Variants in PPA1 observed in about 807,000 individuals in gnomAD.
The protein encoded by PPA1 is inorganic pyrophosphatase 1.
A neutral mutation model predicts 41.8 loss-of-function variants in PPA1; 23 were observed. The observed-to-expected ratio is 0.55, with a 90% CI of 0.40 to 0.78. The LOEUF (loss-of-function observed/expected upper bound fraction) is 0.78. PPA1 is among the 30% of genes least tolerant of loss of function. The pLI is 0.00. For synonymous variants in PPA1, 101 were observed against 116.8 expected (o/e 0.86, Z 0.87); for missense variants, 320 against 361.6 (o/e 0.89, Z 0.93).
intron 9 of PPA1, 63 bp from the exon 10 acceptor site, chr10:70,204,978 T>C: frequency 1.6e-6 from 2 of 1,276,528 alleles, no homozygotes; most frequent in Non-Finnish European, 1.1e-6. Context: ...TAAAAAGGTA[T>C]ACTGACAAAA....
At chr10:70,204,160 T>C (rs1839911150) in intron 10 of PPA1, 1 of 152,166 alleles carries the variant, frequency 6.6e-6, no homozygotes, top group Non-Finnish European at 1.5e-5. Context: ...TGATTAGTGT[T>C]CAAGACCAGC....
At chr10:70,210,826 C>T (rs1235703594) in intron 6 of PPA1, among the ~76,000 whole-genome samples, 1 of 150,136 alleles carries the variant, frequency 6.7e-6, no homozygotes, top group Non-Finnish European at 1.5e-5. Flanking sequence ...AGTGCAGTGG[C>T]GCAATCTCGG....
intron 2 of PPA1, among the ~76,000 whole-genome samples, chr10:70,225,901 A>G (rs1370979451): frequency 1.3e-5 from 2 of 152,232 alleles, no homozygotes; most frequent in Non-Finnish European, 2.9e-5. Context: ...TGTTAAAAGT[A>G]TATGGATACC....
chr10:70,232,854 G>GCCC (rs370534712), intron 1 of PPA1, among the ~76,000 whole-genome samples: 22 of 150,942 alleles, frequency 1.5e-4, no homozygotes, highest in African/African-American at 4.9e-4. Flanking sequence ...GGAAGTCACT[G>GCCC]CCCCCCCCGG....
In PPA1 at chr10:70,228,097, A is replaced by G. The variant is rs375988428; in HGVS notation, c.123+2244T>C. On this transcript the variant is annotated intron_variant, in intron 2 of 10. Coordinates refer to ENST00000373232, the MANE Select transcript of PPA1 (RefSeq NM_021129.4). ...TTCTGCCCAAGGTCCACTGAGGTCT[A>G]GACTACTGGTAAAATCCAGAGTCAT... Among the ~76,000 whole-genome samples the G allele has an allele frequency of 8.7e-4, 133 of 152,324 alleles. 4 individuals are homozygous for G. In the South Asian group the frequency reaches 0.024, roughly 27 times the overall value.
intron 10 of PPA1, 36 bp downstream of exon 10, chr10:70,204,837 A>C: frequency 1.3e-6 from 2 of 1,513,166 alleles, no homozygotes; most frequent in Non-Finnish European, 1.8e-6. Flanking sequence ...TAACTGTGTA[A>C]TGTTTAATGA....
chr10:70,211,802 G>A (rs567159002), intron 6 of PPA1, among the ~76,000 whole-genome samples: 91 of 152,298 alleles, frequency 6.0e-4, no homozygotes, highest in African/African-American at 1.8e-3. Context: ...TAAGAAGCAC[G>A]TTGGAAATGC....
At chr10:70,221,942 TG>T (rs1394526335) in intron 2 of PPA1, among the ~76,000 whole-genome samples, 1 of 151,978 alleles carries the variant, frequency 6.6e-6, no homozygotes, top group Non-Finnish European at 1.5e-5. Context: ...ACATAATTAA[TG>T]GGAAGGAAAA....
At chr10:70,215,912 C>T (rs1008704120) in intron 4 of PPA1, among the ~76,000 whole-genome samples, 4 of 152,190 alleles carry the variant, frequency 2.6e-5, no homozygotes, top group African/African-American at 9.7e-5. Flanking sequence ...AGAGTCCTTG[C>T]AGAACATCTC....
At chr10:70,216,751 A>T (rs1840085992) in intron 4 of PPA1, among the ~76,000 whole-genome samples, 1 of 152,224 alleles carries the variant, frequency 6.6e-6, no homozygotes, top group South Asian at 2.1e-4. Context: ...TAGCCAAAAT[A>T]GAATTAAATA....
chr10:70,220,890 C>CTA (rs1165898354), intron 2 of PPA1, among the ~76,000 whole-genome samples: 1 of 8,260 alleles, frequency 1.2e-4, no homozygotes, highest in Non-Finnish European at 1.9e-4. Flanking sequence ...TTTATATATA[C>CTA]TATATATATA....
rs1840314850 is a variant in PPA1 at position 70,233,364 on chromosome 10, C to A, written c.-37G>T. 3.3e-6 allele frequency: 5 copies of A among 1,528,980 alleles called. No homozygotes were observed. The highest frequency in any genetic ancestry group is 4.4e-6 in the Non-Finnish European group (5 of 1,140,968). 94.7% of individuals were successfully genotyped at this position (1,528,980 alleles called of 1,614,324 possible). A position where few individuals can be genotyped will look rare whatever the true frequency, so the allele number is the denominator to read the frequency against. On this transcript the variant is annotated 5_prime_UTR_variant, in exon 1 of 11. Coordinates refer to ENST00000373232, the MANE Select transcript of PPA1 (RefSeq NM_021129.4). ...CCTGCCGCCGCCGCTGCCACAGAGC[C>A]ACCAGCCCGCACGCGGCGCCGACTG...
Position 70,202,965 on chromosome 10 carries a change from A to T in PPA1, c.*190T>A, listed in dbSNP as rs1839899242. On this transcript the variant is annotated 3_prime_UTR_variant, in exon 11 of 11. Transcript: ENST00000373232. ...GATATTTAAGCATGTGCTAAAAGTTATCTTAGTTGAGATATGAAAAATGCT... is the reference window on the plus strand; with the variant it reads ...GATATTTAAGCATGTGCTAAAAGTTTTCTTAGTTGAGATATGAAAAATGCT... 8 of 622,280 alleles carry T rather than the reference A, an allele frequency of 1.3e-5. No homozygotes were observed. The South Asian group carries it at 1.5e-4, about 12-fold the overall frequency. The allele number at this position is 622,280 out of a possible 1,614,324, so 38.5% of individuals were successfully genotyped here.
chr10:70,203,222 C>T (rs765974472), intron 10 of PPA1, 36 bp from the exon 11 acceptor site: 1 of 1,565,958 alleles, frequency 6.4e-7, no homozygotes, highest in Admixed American at 1.7e-5. Flanking sequence ...ATTAGAATTC[C>T]TGTTGAGAAT....
intron 4 of PPA1, among the ~76,000 whole-genome samples, chr10:70,215,202 C>G (rs1166861179): frequency 1.3e-5 from 2 of 151,972 alleles, no homozygotes; most frequent in Non-Finnish European, 2.9e-5. Context: ...CTCAAAAAAA[C>G]AAAACAAAAC....
At chr10:70,226,583 T>A (rs1840233221) in intron 2 of PPA1, among the ~76,000 whole-genome samples, 1 of 151,962 alleles carries the variant, frequency 6.6e-6, no homozygotes, top group South Asian at 2.1e-4. Flanking sequence ...AAAAAGCTGC[T>A]ATTTTTGCTA....
chr10:70,209,836 G>A (rs969798975), intron 6 of PPA1, 151 bp from the exon 7 acceptor site: 34 of 906,148 alleles, frequency 3.8e-5, no homozygotes, highest in African/African-American at 2.6e-4. Context: ...GACTTATCAC[G>A]GAAGTTCAAG....
At chr10:70,229,770 A>G (rs1840268424) in intron 2 of PPA1, among the ~76,000 whole-genome samples, 1 of 152,190 alleles carries the variant, frequency 6.6e-6, no homozygotes, top group South Asian at 2.1e-4. Flanking sequence ...ATACACATAC[A>G]AAAAGGACCA....
chr10:70,214,249 G>A (rs1159307270), intron 5 of PPA1, among the ~76,000 whole-genome samples: 1 of 152,128 alleles, frequency 6.6e-6, no homozygotes, highest in African/African-American at 2.4e-5. Context: ...CTAAAGCAAT[G>A]CAGAACATGT....
Sources: gnomAD v4.1 joint callset for allele counts (sites outside exome capture counted in the v4.1 genomes callset) on GRCh38, gnomAD v4.1.1 for gene constraint, MANE v1.5 for transcripts, NCBI Gene and HGNC (gene_info 2026-07-23, HGNC 2026-07-21) for gene names.